Variants in POMGNT1 observed in about 807,000 individuals in gnomAD.
POMGNT1 encodes the protein protein O-linked-mannose beta-1,2-N-acetylglucosaminyltransferase 1.
Under a neutral mutation model 95.6 loss-of-function variants are expected in POMGNT1, and 67 were observed. The observed-to-expected ratio is 0.70, with a 90% confidence interval of 0.58 to 0.86. POMGNT1 has a LOEUF of 0.86. Ranked by LOEUF, POMGNT1 falls within the 40% of genes least tolerant of loss-of-function variation. POMGNT1 has a pLI of 0.00. For synonymous variants in POMGNT1, 298 were observed against 317.9 expected (o/e 0.94, Z 0.66); for missense variants, 719 against 855.2 (o/e 0.84, Z 1.99).
rs781102649 is a variant in POMGNT1 at position 46,197,792 on chromosome 1, G to C, written c.30C>G (p.Ile10Met). ...GCTTCTTCCGAGCCCCAAAGGGCTT[G>C]ATGAGGGGGCTGGGCTTCCAGTCGT... Reference protein sequence around the residue: MDDWKPSPLIKPFGARKKRS... With the variant: MDDWKPSPLMKPFGARKKRS... The change falls in exon 2 of 22, where the codon ATC becomes ATG. Residue 10 changes from isoleucine (I) to methionine (M), a missense_variant. Physicochemically the swap from Ile to Met is conservative, Grantham distance 10 (BLOSUM62 1). Around this residue, in one of 5 missense-constraint regions of POMGNT1, gnomAD observed 466 missense variants for 517.4 expected, o/e 0.90. Transcript: ENST00000371984. The C allele has an allele frequency of 6.2e-7, 1 of 1,614,190 alleles. No homozygotes were observed. Among genetic ancestry groups the C allele is most frequent in the Admixed American group, 1.7e-5 (1 of 60,030 alleles).
chr1:46,188,814 C>T lies in POMGNT1; in HGVS notation c.*456G>A. 1.2e-6 allele frequency: 2 copies of T among 1,612,882 alleles called. No individual in the cohort carries two copies. Among genetic ancestry groups the T allele is most frequent in the East Asian group, 2.2e-5 (1 of 44,880 alleles). On this transcript the variant is annotated 3_prime_UTR_variant, in exon 22 of 22. Coordinates refer to ENST00000371984, the MANE Select transcript of POMGNT1 (RefSeq NM_017739.4). ...GAGTGAGTCTGTGTCAGCATGTGGG[C>T]CCCAGCTGGGCCTGTCCATGGGTTG...
intron 1 of POMGNT1, among the ~76,000 whole-genome samples, chr1:46,212,239 T>A (rs1658919308): frequency 6.6e-6 from 1 of 152,204 alleles, no homozygotes; most frequent in Non-Finnish European, 1.5e-5. Context: ...TAATGACGTT[T>A]TGGTCAATGT....
chr1:46,204,534 TC>T (rs144105764), intron 1 of POMGNT1, among the ~76,000 whole-genome samples: 32,971 of 152,082 alleles, frequency 0.22, 4,239 homozygotes, highest in Non-Finnish European at 0.29. Context: ...GCTAAAGTCT[TC>T]CTGTGTGCCC....
chr1:46,202,920 GGTGTGTGTGTGTGT>G (rs10689850), upstream of POMGNT1, among the ~76,000 whole-genome samples: 1 of 64,516 alleles, frequency 1.6e-5, no homozygotes, highest in African/African-American at 6.6e-5. Flanking sequence ...GGGGGGGGGT[GGTGTGTGTGTGTGT>G]GTGTGTGTGT....
At position 46,192,991 on chromosome 1, in the gene POMGNT1, G is replaced by A. The variant is rs773891829; in HGVS notation, c.1153-33C>T. On this transcript the variant is annotated intron_variant, in intron 13 of 21. Transcript: ENST00000371984. ...GGGAATGGGACATCATGGTCCCAAAGGGGTCTCTCCATCCTGTGATCTCCT... is the reference window on the plus strand; with the variant it reads ...GGGAATGGGACATCATGGTCCCAAAAGGGTCTCTCCATCCTGTGATCTCCT... 3.6e-5 allele frequency: 58 copies of A among 1,612,898 alleles called. 1 individual carries two copies. The South Asian group carries it at 6.0e-4, about 17-fold the overall frequency.
At chr1:46,197,353 C>T (rs1334364643) in intron 2 of POMGNT1, 1 of 1,482,162 alleles carries the variant, frequency 6.7e-7, no homozygotes. Context: ...TTTCCTTGGT[C>T]CCCTCCATTG....
In POMGNT1 at chr1:46,192,532, C is replaced by A. The variant is rs762556760; in HGVS notation, c.1270G>T (p.Ala424Ser). The change falls in exon 15 of 22, where the codon GCC becomes TCC. Residue 424 changes from alanine (A) to serine (S), a missense_variant. Physicochemically the swap from Ala to Ser is moderately conservative, Grantham distance 99. Transcript: ENST00000371984. ...TTCCAGCCTACCTGGTCATTCCAGG[C>A]AGAGATGCAGTACAGGCTGTCATCC... ...EEDDSLYCIS[A>S]WNDQGYEHTA... is the part of the protein sequence containing the mutation. 6.2e-7 allele frequency: 1 copy of A among 1,614,150 alleles called. No individual in the cohort carries two copies. The highest frequency in any genetic ancestry group is 8.5e-7 in the Non-Finnish European group (1 of 1,180,032).
chr1:46,193,629 A>C lies in POMGNT1; in HGVS notation c.961T>G (p.Ser321Ala). Reference sequence around the variant, plus strand: ...GACACCCCCTGGGCTGAAAGCAGAGAGCGCAGCATCCTGGGGAGCCCAGGG... The same window carrying C: ...GACACCCCCTGGGCTGAAAGCAGAGCGCGCAGCATCCTGGGGAGCCCAGGG... ...RPNYLYRMLR[S>A]LLSAQGVSPQ... is the part of the protein sequence containing the mutation. Residue 321 changes from serine (S) to alanine (A), a missense_variant, in exon 11 of 22, where the codon TCT (serine) becomes GCT (alanine). Ser to Ala is a moderately conservative substitution (Grantham distance 99). Transcript: ENST00000371984. 2 of 1,614,202 alleles carry C rather than the reference A, an allele frequency of 1.2e-6. No homozygotes were observed. Among genetic ancestry groups the C allele is most frequent in the Non-Finnish European group, 1.7e-6 (2 of 1,180,028 alleles).
intron 1 of POMGNT1, among the ~76,000 whole-genome samples, chr1:46,212,583 A>ATT (rs983480552): frequency 7.0e-6 from 1 of 143,878 alleles, no homozygotes; most frequent in Non-Finnish European, 1.5e-5. Flanking sequence ...ACCCGGCCAA[A>ATT]TTTTTTTTTT....
At position 46,192,321 on chromosome 1, in the gene POMGNT1, G is replaced by A; in HGVS notation, c.1400C>T (p.Pro467Leu). Residue 467 changes from proline to leucine, a missense_variant, in exon 16 of 22, where the codon CCT becomes CTT. Pro to Leu is a moderately conservative substitution (Grantham distance 98, BLOSUM62 -3). Transcript: ENST00000371984. ...LYKEELEPKW[P>L]TPEKLWDWDM... ...CCTGACAGTTACCTTTTCCGGTGTA[G>A]GCCACTTGGGCTCAAGCTCCTCCTT... is the stretch of plus-strand genomic sequence containing the variant. The A allele has an allele frequency of 6.2e-7, 1 of 1,614,160 alleles. No homozygotes were observed. The highest frequency in any genetic ancestry group is 8.5e-7 in the Non-Finnish European group (1 of 1,180,018).
At position 46,189,163 on chromosome 1, in the gene POMGNT1, G is replaced by A. The variant is rs2148160640; in HGVS notation, c.*107C>T. Reference sequence around the variant, plus strand: ...AATTAAGTCTCATGTTAAAAACAAGGTAGCCCCAGCCCCTACCAGCATCTA... The same window carrying A: ...AATTAAGTCTCATGTTAAAAACAAGATAGCCCCAGCCCCTACCAGCATCTA... On this transcript the variant is annotated 3_prime_UTR_variant, in exon 22 of 22. Transcript: ENST00000371984. 3 of 1,513,524 alleles carry A rather than the reference G, an allele frequency of 2.0e-6. No homozygotes were observed. In the South Asian group the frequency reaches 4.1e-5, roughly 20 times the overall value. 93.8% of individuals were successfully genotyped at this position (1,513,524 alleles called of 1,614,324 possible).
chr1:46,195,939 A>T lies in POMGNT1; in HGVS notation c.421-15T>A. 2 of 1,614,076 alleles carry T rather than the reference A, an allele frequency of 1.2e-6. No individual in the cohort carries two copies. The highest frequency in any genetic ancestry group is 8.5e-7 in the Non-Finnish European group (1 of 1,179,996). On this transcript the variant is annotated splice_polypyrimidine_tract_variant and intron_variant, in intron 5 of 21. Coordinates refer to ENST00000371984, the MANE Select transcript of POMGNT1 (RefSeq NM_017739.4). ...ATCACGTGGCCCTGGCAGGGGATAT[A>T]CTTCTGGTGAGTTGGTGTCATCAGC...
At chr1:46,210,302 A>G (rs1202550833) in intron 1 of POMGNT1, among the ~76,000 whole-genome samples, 2 of 152,102 alleles carry the variant, frequency 1.3e-5, no homozygotes, top group South Asian at 2.1e-4. Flanking sequence ...CACTTAATGC[A>G]ACACAACAAT....
rs1657540011 is a variant in POMGNT1 at position 46,189,148 on chromosome 1, CAT to C, written c.*120_*121del. On this transcript the variant is annotated 3_prime_UTR_variant, in exon 22 of 22. Coordinates refer to ENST00000371984, the MANE Select transcript of POMGNT1 (RefSeq NM_017739.4). ...CCCCTTGGAGTTAGTAATTAAGTCT[CAT>C]GTTAAAAACAAGGTAGCCCCAGCCC... 1.2e-5 allele frequency: 18 copies of C among 1,499,448 alleles called. No homozygotes were observed. The highest frequency in any genetic ancestry group is 1.6e-5 in the Non-Finnish European group (18 of 1,125,910). The allele number at this position is 1,499,448 out of a possible 1,614,324, so 92.9% of individuals were successfully genotyped here. A position where few individuals can be genotyped will look rare whatever the true frequency, so the allele number is the denominator to read the frequency against.
intron 10 of POMGNT1, 102 bp from the exon 11 acceptor site, chr1:46,193,741 G>A: frequency 6.3e-7 from 1 of 1,598,634 alleles, no homozygotes; most frequent in Non-Finnish European, 8.5e-7. Flanking sequence ...ACCCACAGAG[G>A]TGAATGCGTC....
upstream of POMGNT1, among the ~76,000 whole-genome samples, chr1:46,200,252 A>G (rs1364823330): frequency 1.3e-5 from 2 of 152,196 alleles, no homozygotes; most frequent in African/African-American, 4.8e-5. Flanking sequence ...CTGACTCTTC[A>G]TGGATGATCT....
At chr1:46,199,377 A>G (rs1189914721), upstream of POMGNT1, among the ~76,000 whole-genome samples, 3 of 152,242 alleles carry the variant, frequency 2.0e-5, no homozygotes, top group Non-Finnish European at 2.9e-5. Flanking sequence ...AACAATACAT[A>G]AGAATTGCCA....
chr1:46,208,524 A>T (rs1037139669), intron 1 of POMGNT1, among the ~76,000 whole-genome samples: 1 of 152,164 alleles, frequency 6.6e-6, no homozygotes, highest in African/African-American at 2.4e-5. Flanking sequence ...AGAATGAATA[A>T]AGTCAGTGGG....
chr1:46,211,825 T>C (rs1447478970), intron 1 of POMGNT1, among the ~76,000 whole-genome samples: 1 of 151,982 alleles, frequency 6.6e-6, no homozygotes, highest in Non-Finnish European at 1.5e-5. Context: ...AGTGCAGTGG[T>C]GTGATCTCGG....
Sources: gnomAD v4.1 joint callset for allele counts (sites outside exome capture counted in the v4.1 genomes callset) on GRCh38, gnomAD v4.1.1 for gene constraint, gnomAD v4.1.1 regional missense constraint, MANE v1.5 for transcripts, NCBI Gene and HGNC (gene_info 2026-07-23, HGNC 2026-07-21) for gene names.